The following RPS6KB1 variants were observed in gnomAD, a reference collection of about 807,000 sequenced individuals.
The protein encoded by RPS6KB1 is ribosomal protein S6 kinase beta-1.
Under a neutral mutation model 70.2 loss-of-function variants are expected in RPS6KB1, and 12 were observed. That is an observed-to-expected ratio of 0.17 (90% CI 0.11 to 0.28). The LOEUF is 0.28. Ranked by LOEUF, RPS6KB1 falls within the 10% of genes least tolerant of loss-of-function variation. RPS6KB1 has a pLI of 1.00. For missense variants in RPS6KB1, 270 were observed against 646.6 expected (o/e 0.42, Z 6.32); for synonymous variants, 175 against 211.2 (o/e 0.83, Z 1.49).
chr17:59,924,129 A>G (rs1419809004), intron 4 of RPS6KB1, among the ~76,000 whole-genome samples: 1 of 151,960 alleles, frequency 6.6e-6, no homozygotes, highest in Non-Finnish European at 1.5e-5. Flanking sequence ...CTCAGTTCGA[A>G]ACCAGCCTGG....
At chr17:59,903,961 C>T (rs183647522) in intron 1 of RPS6KB1, among the ~76,000 whole-genome samples, 1 of 152,176 alleles carries the variant, frequency 6.6e-6, no homozygotes. Flanking sequence ...GTTCTGCTGT[C>T]AAACTCCTGG....
chr17:59,921,888 T>C (rs1260736248), intron 4 of RPS6KB1, among the ~76,000 whole-genome samples: 3 of 152,196 alleles, frequency 2.0e-5, no homozygotes, highest in African/African-American at 7.2e-5. Flanking sequence ...TTTGACTTAC[T>C]TGATTCCTAC....
intron 1 of RPS6KB1, among the ~76,000 whole-genome samples, chr17:59,900,714 T>C (rs541777511): frequency 8.5e-5 from 13 of 152,284 alleles, no homozygotes; most frequent in Non-Finnish European, 1.6e-4. Flanking sequence ...TGAGAGTTCA[T>C]AATCAGATTA....
chr17:59,915,202 A>G (rs1036942896), intron 4 of RPS6KB1, among the ~76,000 whole-genome samples: 2 of 151,596 alleles, frequency 1.3e-5, no homozygotes, highest in Non-Finnish European at 2.9e-5. Flanking sequence ...ATTGGCCAGG[A>G]TGGTCTTGAT....
chr17:59,914,905 G>A (rs2042851266), intron 4 of RPS6KB1, among the ~76,000 whole-genome samples: 1 of 152,124 alleles, frequency 6.6e-6, no homozygotes, highest in Non-Finnish European at 1.5e-5. Flanking sequence ...GAGTCAGGAG[G>A]ATTGCTTGAA....
intron 7 of RPS6KB1, among the ~76,000 whole-genome samples, chr17:59,932,815 A>T (rs2044004566): frequency 6.6e-6 from 1 of 152,140 alleles, no homozygotes; most frequent in African/African-American, 2.4e-5. Flanking sequence ...GGCCTCCCAA[A>T]TTGCTGGGAT....
At chr17:59,927,581 A>C (rs2043687206) in intron 5 of RPS6KB1, among the ~76,000 whole-genome samples, 1 of 147,770 alleles carries the variant, frequency 6.8e-6, no homozygotes, top group African/African-American at 2.5e-5. Context: ...ATATCGGCTC[A>C]CTGCAACTTC....
rs2145089675 is a variant in RPS6KB1, at chr17:59,947,331, T to G, written c.*543T>G. On this transcript the variant is annotated 3_prime_UTR_variant, in exon 15 of 15. Transcript: ENST00000225577. ...ATAAATATATATTTTTCAAATAGAT[T>G]TTTGATTCAGCTCATTATGAAAAAC... The G allele has an allele frequency of 9.1e-7, 1 of 1,095,508 alleles. No individual in the cohort carries two copies. Among genetic ancestry groups the G allele is most frequent in the Non-Finnish European group, 1.1e-6 (1 of 884,674 alleles). The allele number at this position is 1,095,508 out of a possible 1,614,324, so 67.9% of individuals were successfully genotyped here. A position where few individuals can be genotyped will look rare whatever the true frequency, so the allele number is the denominator to read the frequency against.
chr17:59,946,793 G>A lies in RPS6KB1; in HGVS notation c.*5G>A. The stretch of plus-strand genomic sequence containing the variant: ...CACCTGCGTATGAATCTATGACAGA[G>A]CAATGCTTTTAATGAATTTAAGGCA... On this transcript the variant is annotated 3_prime_UTR_variant, in exon 15 of 15. Transcript: ENST00000225577. This position sits in a 1 kb window ranked among gnomAD's most constrained non-coding sequence, Gnocchi z 4.2. 6.2e-7 allele frequency: 1 copy of A among 1,613,388 alleles called. No individual in the cohort carries two copies. Among genetic ancestry groups the A allele is most frequent in the Non-Finnish European group, 8.5e-7 (1 of 1,179,354 alleles).
At chr17:59,914,060 AT>A (rs1568423809) in intron 3 of RPS6KB1, among the ~76,000 whole-genome samples, 1 of 152,072 alleles carries the variant, frequency 6.6e-6, no homozygotes, top group Non-Finnish European at 1.5e-5. Flanking sequence ...AAATATTTTC[AT>A]TCTGCGGTTG....
chr17:59,931,317 C>T (rs2043911570), intron 6 of RPS6KB1: 1 of 287,102 alleles, frequency 3.5e-6, no homozygotes. Context: ...AGCTTAATTC[C>T]TACACAGACA....
chr17:59,936,112 A>G, intron 10 of RPS6KB1, 103 bp from the exon 11 acceptor site: 1 of 1,061,836 alleles, frequency 9.4e-7, no homozygotes, highest in Non-Finnish European at 1.4e-6. Flanking sequence ...TGGCCAATAA[A>G]CTATATTTTC....
intron 5 of RPS6KB1, among the ~76,000 whole-genome samples, chr17:59,927,656 G>A (rs1461123800): frequency 6.6e-6 from 1 of 151,140 alleles, no homozygotes. Flanking sequence ...ACAGGCATGC[G>A]CCACCACACT....
At chr17:59,904,176 G>A (rs2042125931) in intron 1 of RPS6KB1, among the ~76,000 whole-genome samples, 1 of 151,454 alleles carries the variant, frequency 6.6e-6, no homozygotes, top group African/African-American at 2.4e-5. Context: ...CACCTCCCAG[G>A]TTCAAGTGAT....
chr17:59,912,900 A>G (rs1365325161), intron 3 of RPS6KB1, 96 bp downstream of exon 3: 1 of 1,347,148 alleles, frequency 7.4e-7, no homozygotes, highest in Non-Finnish European at 1.0e-6. Flanking sequence ...TTTGTCAGCT[A>G]TCAGCAAAGG....
intron 6 of RPS6KB1, 123 bp downstream of exon 6, chr17:59,930,297 G>C (rs1321999222): frequency 2.7e-6 from 2 of 737,082 alleles, no homozygotes; most frequent in African/African-American, 1.8e-5. Flanking sequence ...AGGACCTCAA[G>C]GGGGAGAAGC....
At chr17:59,908,589 CAGTTA>C (rs1246329064) in intron 1 of RPS6KB1, among the ~76,000 whole-genome samples, 2 of 147,366 alleles carry the variant, frequency 1.4e-5, no homozygotes, top group South Asian at 2.2e-4. Flanking sequence ...GTAGCCTCTA[CAGTTA>C]AGTTGTCATG....
At chr17:59,900,603 T>C (rs2041875565) in intron 1 of RPS6KB1, among the ~76,000 whole-genome samples, 1 of 152,050 alleles carries the variant, frequency 6.6e-6, no homozygotes, top group Non-Finnish European at 1.5e-5. Context: ...CAATCTCAGG[T>C]GATCCGCCTG....
chr17:59,932,504 A>G (rs1338097171), intron 7 of RPS6KB1, among the ~76,000 whole-genome samples: 2 of 150,844 alleles, frequency 1.3e-5, no homozygotes, highest in Non-Finnish European at 2.9e-5. Flanking sequence ...GAACCAAAGT[A>G]TTTGATAAAA....
Sources: gnomAD v4.1 joint callset for allele counts (sites outside exome capture counted in the v4.1 genomes callset) on GRCh38, gnomAD v4.1.1 for gene constraint, Gnocchi (gnomAD v3.1) non-coding constraint, MANE v1.5 for transcripts, NCBI Gene and HGNC (gene_info 2026-07-23, HGNC 2026-07-21) for gene names.